EXT1: variants seen among roughly 807,000 people sequenced by gnomAD.
EXT1 encodes exostosin glycosyltransferase 1.
EXT1 carries 20 observed loss-of-function variants against 82.5 expected under a neutral mutation model. The observed-to-expected ratio is 0.24, with a 90% CI of 0.17 to 0.35. The LOEUF (loss-of-function observed/expected upper bound fraction) is 0.35, where lower values mean the gene tolerates loss of function less well. Ranked by LOEUF, EXT1 falls within the 10% of genes least tolerant of loss-of-function variation. The probability of loss-of-function intolerance (pLI) is 1.00; values close to 1 mark genes in which losing one functional copy is unlikely to be tolerated. For missense variants in EXT1, 757 were observed against 936.5 expected (o/e 0.81, Z 2.50); for synonymous variants, 348 against 350.8 (o/e 0.99, Z 0.09).
chr8:117,917,249 G>C (rs906614149), intron 1 of EXT1, among the ~76,000 whole-genome samples: 1 of 152,062 alleles, frequency 6.6e-6, no homozygotes, highest in Non-Finnish European at 1.5e-5. Context: ...CGAGGCGGGC[G>C]GATCATTTGA....
intron 1 of EXT1, among the ~76,000 whole-genome samples, chr8:117,996,053 G>GA (rs56822640): frequency 0.018 from 2,710 of 152,140 alleles, 76 homozygotes; most frequent in African/African-American, 0.062. Context: ...GGGGTCTACT[G>GA]CCCTTGCCTT....
chr8:117,858,791 A>AGGCCAGGCC (rs1554581729), intron 1 of EXT1, among the ~76,000 whole-genome samples: 1 of 58,490 alleles, frequency 1.7e-5, no homozygotes, highest in Non-Finnish European at 3.2e-5. Context: ...GCAGGCAGGC[A>AGGCCAGGCC]AGGCAAGGCA....
intron 1 of EXT1, among the ~76,000 whole-genome samples, chr8:118,062,653 A>C (rs892333602): frequency 1.3e-5 from 2 of 152,180 alleles, no homozygotes; most frequent in African/African-American, 4.8e-5. Flanking sequence ...ACCTGGGAAG[A>C]ATAATTAGGG....
intron 1 of EXT1, among the ~76,000 whole-genome samples, chr8:118,016,070 T>C (rs1180075092): frequency 6.6e-6 from 1 of 152,208 alleles, no homozygotes; most frequent in African/African-American, 2.4e-5. Flanking sequence ...AGACTTCGCA[T>C]CTGTGAGAGA....
chr8:117,978,414 C>T (rs1815112887), intron 1 of EXT1, among the ~76,000 whole-genome samples: 1 of 152,126 alleles, frequency 6.6e-6, no homozygotes, highest in African/African-American at 2.4e-5. Context: ...TTTCTTCAGC[C>T]AGTAAGCACA....
chr8:117,841,645 C>G (rs368257120), intron 1 of EXT1, among the ~76,000 whole-genome samples: 1 of 152,030 alleles, frequency 6.6e-6, no homozygotes, highest in Non-Finnish European at 1.5e-5. Flanking sequence ...AAGTTCCCCA[C>G]GTGTAGGTAA....
intron 1 of EXT1, among the ~76,000 whole-genome samples, chr8:117,927,242 C>T (rs1384610008): frequency 6.6e-6 from 1 of 151,952 alleles, no homozygotes; most frequent in African/African-American, 2.4e-5. Flanking sequence ...TGTGTTACAT[C>T]AAAAAGGTTT....
intron 1 of EXT1, among the ~76,000 whole-genome samples, chr8:117,859,841 T>C (rs1812649111): frequency 6.6e-6 from 1 of 152,108 alleles, no homozygotes; most frequent in Admixed American, 6.5e-5. Flanking sequence ...AACTCAGCCA[T>C]GCACACACAT....
chr8:118,110,594 C>A lies in EXT1; in HGVS notation c.453G>T (p.Ala151=), dbSNP rs780843781. The A allele has an allele frequency of 3.1e-6, 5 of 1,614,180 alleles. No homozygotes were observed. Among genetic ancestry groups the A allele is most frequent in the East Asian group, 2.2e-5 (1 of 44,886 alleles). ...SRFYTSDPSQ[A]CLFVLSLDTL... ...TATCCAGACTCAGGACAAAGAGGCA[C>A]GCCTGGCTGGGGTCCGAGGTGTAGA... is the stretch of plus-strand genomic sequence containing the variant. Residue 151 remains alanine (A), a synonymous_variant, in exon 1 of 11, where the codon GCG becomes GCT. Transcript: ENST00000378204.
chr8:118,073,941 G>A (rs983137421), intron 1 of EXT1, among the ~76,000 whole-genome samples: 2 of 152,168 alleles, frequency 1.3e-5, no homozygotes, highest in African/African-American at 4.8e-5. Flanking sequence ...CATTAGAGAA[G>A]GGAGGAGGGT....
chr8:117,989,339 G>T (rs940218519), intron 1 of EXT1, among the ~76,000 whole-genome samples: 1 of 151,734 alleles, frequency 6.6e-6, no homozygotes, highest in Non-Finnish European at 1.5e-5. Context: ...GGGTCTCCTT[G>T]CTTCCACTCC....
intron 1 of EXT1, among the ~76,000 whole-genome samples, chr8:118,104,699 C>T (rs958643899): frequency 4.6e-5 from 7 of 152,164 alleles, no homozygotes; most frequent in African/African-American, 1.7e-4. Flanking sequence ...TAGAGTTGGA[C>T]ATCCCTAATT....
intron 1 of EXT1, among the ~76,000 whole-genome samples, chr8:118,097,674 A>G (rs1445100829): frequency 6.6e-6 from 1 of 152,162 alleles, no homozygotes; most frequent in Admixed American, 6.5e-5. Flanking sequence ...GCCTCCAGCC[A>G]CTAGGCTATG....
chr8:117,825,187 G>T (rs2129756785), intron 4 of EXT1, among the ~76,000 whole-genome samples: 1 of 152,218 alleles, frequency 6.6e-6, no homozygotes, highest in Non-Finnish European at 1.5e-5. Context: ...TGATTCTGTA[G>T]GACCTTGTCA....
At chr8:118,023,204 G>C (rs982290019) in intron 1 of EXT1, among the ~76,000 whole-genome samples, 1 of 152,148 alleles carries the variant, frequency 6.6e-6, no homozygotes, top group Non-Finnish European at 1.5e-5. Flanking sequence ...AGTTTGCTGG[G>C]AATAAGGTAA....
chr8:117,882,255 T>C (rs1380486486), intron 1 of EXT1, among the ~76,000 whole-genome samples: 1 of 152,066 alleles, frequency 6.6e-6, no homozygotes, highest in Non-Finnish European at 1.5e-5. Context: ...TACTTTTTTG[T>C]CTTTTTTGGT....
intron 1 of EXT1, among the ~76,000 whole-genome samples, chr8:117,958,223 ATTTC>A (rs1210995509): frequency 6.6e-6 from 1 of 152,198 alleles, no homozygotes; most frequent in African/African-American, 2.4e-5. Flanking sequence ...TCAAGCATAA[ATTTC>A]TTTGTGAACA....
At chr8:118,088,523 G>C (rs1043330352) in intron 1 of EXT1, among the ~76,000 whole-genome samples, 1 of 151,656 alleles carries the variant, frequency 6.6e-6, no homozygotes, top group East Asian at 1.9e-4. Flanking sequence ...GGGAAGAAAG[G>C]GGGGAGACCT....
intron 1 of EXT1, among the ~76,000 whole-genome samples, chr8:117,879,248 C>T (rs1466261500): frequency 9.9e-5 from 15 of 152,164 alleles, no homozygotes. Context: ...CATGTGATTA[C>T]TATTAAATTG....
Sources: gnomAD v4.1 joint callset for allele counts (sites outside exome capture counted in the v4.1 genomes callset) on GRCh38, gnomAD v4.1.1 for gene constraint, MANE v1.5 for transcripts, NCBI Gene and HGNC (gene_info 2026-07-23, HGNC 2026-07-21) for gene names.